Variants in LRRC4C observed in about 807,000 individuals in gnomAD.
The protein encoded by LRRC4C is leucine rich repeat containing 4C, also known as leucine-rich repeat-containing protein 4C.
Under a neutral mutation model 33.6 loss-of-function variants are expected in LRRC4C, and 5 were observed. That is an observed-to-expected ratio of 0.15 (90% CI 0.08 to 0.31). The LOEUF is 0.31. Ranked by LOEUF, LRRC4C falls within the 10% of genes least tolerant of loss-of-function variation. The probability of loss-of-function intolerance (pLI) is 1.00; values close to 1 mark genes in which losing one functional copy is unlikely to be tolerated. For missense variants in LRRC4C, 560 were observed against 796.7 expected, an observed-to-expected ratio of 0.70 and a Z score of 3.58; for synonymous variants, 329 against 302.0, an observed-to-expected ratio of 1.09 and a Z score of -0.93.
At chr11:40,413,513 A>C (rs984194920) in intron 3 of LRRC4C, among the ~76,000 whole-genome samples, 1 of 152,134 alleles carries the variant, frequency 6.6e-6, no homozygotes, top group African/African-American at 2.4e-5. Flanking sequence ...TTCACTATCC[A>C]AACCCTCTTT....
chr11:40,945,017 G>GTTT (rs1958327148), intron 1 of LRRC4C, among the ~76,000 whole-genome samples: 1 of 134,654 alleles, frequency 7.4e-6, no homozygotes, highest in African/African-American at 2.9e-5. Flanking sequence ...CAACTTTGCA[G>GTTT]TTTTTCTTTT....
intron 4 of LRRC4C, among the ~76,000 whole-genome samples, chr11:40,295,766 T>A (rs908818339): frequency 1.3e-5 from 2 of 152,230 alleles, no homozygotes; most frequent in African/African-American, 4.8e-5. Flanking sequence ...ATGAATTACA[T>A]GAAAATGTGA....
chr11:41,298,595 C>T (rs1481843891), intron 1 of LRRC4C, among the ~76,000 whole-genome samples: 1 of 152,066 alleles, frequency 6.6e-6, no homozygotes, highest in Non-Finnish European at 1.5e-5. Flanking sequence ...AATAAAACAA[C>T]AAAATAAAAC....
At chr11:41,099,875 A>G (rs1941055927) in intron 1 of LRRC4C, among the ~76,000 whole-genome samples, 1 of 152,140 alleles carries the variant, frequency 6.6e-6, no homozygotes, top group South Asian at 2.1e-4. Context: ...GGGTATCCAA[A>G]TAGGAAGAAA....
At chr11:40,795,267 G>A (rs1283657210) in intron 2 of LRRC4C, among the ~76,000 whole-genome samples, 1 of 152,144 alleles carries the variant, frequency 6.6e-6, no homozygotes, top group Non-Finnish European at 1.5e-5. Flanking sequence ...GGTGGCTCAC[G>A]CCTGTAATCC....
intron 1 of LRRC4C, among the ~76,000 whole-genome samples, chr11:41,435,716 T>C (rs758064682): frequency 2.0e-5 from 3 of 152,238 alleles, no homozygotes; most frequent in Non-Finnish European, 4.4e-5. Flanking sequence ...ATGTAGGTCA[T>C]CATTTCCCAA....
At chr11:41,100,760 C>G (rs535864783) in intron 1 of LRRC4C, among the ~76,000 whole-genome samples, 104 of 152,134 alleles carry the variant, frequency 6.8e-4, no homozygotes, top group Middle Eastern at 6.8e-3. Flanking sequence ...AAGAACAAAG[C>G]TGGAGGTGTC....
At chr11:41,163,492 C>T (rs949907549) in intron 1 of LRRC4C, among the ~76,000 whole-genome samples, 1 of 151,666 alleles carries the variant, frequency 6.6e-6, no homozygotes, top group Non-Finnish European at 1.5e-5. Context: ...CCATGTTGGC[C>T]AGGCTGGTAT....
At chr11:40,181,823 A>G (rs1263645099) in intron 5 of LRRC4C, among the ~76,000 whole-genome samples, 1 of 152,216 alleles carries the variant, frequency 6.6e-6, no homozygotes, top group Non-Finnish European at 1.5e-5. Context: ...AGCTTTGCCC[A>G]TCAGGGCCAG....
intron 5 of LRRC4C, among the ~76,000 whole-genome samples, chr11:40,185,229 C>T (rs1438052279): frequency 6.6e-6 from 1 of 152,146 alleles, no homozygotes; most frequent in Non-Finnish European, 1.5e-5. Context: ...TTTATAATAA[C>T]TCTTCTTCAA....
chr11:40,180,883 T>C (rs1267178496), intron 5 of LRRC4C, among the ~76,000 whole-genome samples: 1 of 152,204 alleles, frequency 6.6e-6, no homozygotes, highest in Non-Finnish European at 1.5e-5. Context: ...CAGGCTTGAA[T>C]TTTATAGCTT....
Position 40,930,283 on chromosome 11 carries a change from C to T in LRRC4C, c.-407+3352G>A, listed in dbSNP as rs1049540127. 5.3e-5 allele frequency among the ~76,000 whole-genome samples: 8 copies of T among 152,242 alleles called. No individual in the cohort carries two copies. The South Asian group carries it at 6.2e-4, about 12-fold the overall frequency. ...CACAAAGAAACCTGGAGAGTAGAGA[C>T]GCTGATTTCACTTTTTCTTTCTTAT... On this transcript the variant is annotated intron_variant, in intron 2 of 6. Coordinates refer to ENST00000528697, the MANE Select transcript of LRRC4C (RefSeq NM_001258419.2).
At chr11:41,115,048 T>C (rs1942043099) in intron 1 of LRRC4C, among the ~76,000 whole-genome samples, 1 of 152,118 alleles carries the variant, frequency 6.6e-6, no homozygotes, top group South Asian at 2.1e-4. Flanking sequence ...TATAGGAGTT[T>C]ATTATAGTAT....
intron 2 of LRRC4C, among the ~76,000 whole-genome samples, chr11:40,741,976 T>A (rs1026921044): frequency 6.6e-6 from 1 of 152,038 alleles, no homozygotes; most frequent in Non-Finnish European, 1.5e-5. Flanking sequence ...CATCTGCTCT[T>A]GTTACTCCTA....
At chr11:40,508,956 T>C (rs1298437081) in intron 3 of LRRC4C, among the ~76,000 whole-genome samples, 1 of 152,050 alleles carries the variant, frequency 6.6e-6, no homozygotes, top group Non-Finnish European at 1.5e-5. Flanking sequence ...AAAAGAAACT[T>C]GAGAAATGAA....
intron 5 of LRRC4C, among the ~76,000 whole-genome samples, chr11:40,227,462 T>TC (rs1384007585): frequency 1.3e-5 from 2 of 152,034 alleles, no homozygotes; most frequent in Non-Finnish European, 2.9e-5. Flanking sequence ...CTGACACTCA[T>TC]CCCCCCGAAA....
At chr11:41,364,645 G>T in intron 1 of LRRC4C, among the ~76,000 whole-genome samples, 1 of 152,138 alleles carries the variant, frequency 6.6e-6, no homozygotes, top group Non-Finnish European at 1.5e-5. Context: ...TATTATATAA[G>T]CCAGTTACCA....
intron 1 of LRRC4C, among the ~76,000 whole-genome samples, chr11:41,227,208 A>C (rs1162702479): frequency 6.6e-6 from 1 of 152,004 alleles, no homozygotes; most frequent in Non-Finnish European, 1.5e-5. Context: ...ATTTTCCCGA[A>C]GTACTATGTC....
chr11:40,312,847 A>C (rs1945380631), intron 4 of LRRC4C, among the ~76,000 whole-genome samples: 1 of 151,170 alleles, frequency 6.6e-6, no homozygotes, highest in Non-Finnish European at 1.5e-5. Context: ...AATTGCTTTC[A>C]GAGATTGGAC....
Sources: gnomAD v4.1 joint callset for allele counts (sites outside exome capture counted in the v4.1 genomes callset) on GRCh38, gnomAD v4.1.1 for gene constraint, MANE v1.5 for transcripts, NCBI Gene and HGNC (gene_info 2026-07-23, HGNC 2026-07-21) for gene names.